Variants in NIPBL observed in about 807,000 individuals in gnomAD.
NIPBL encodes the protein nipped-B-like protein.
NIPBL carries 19 observed loss-of-function variants against 321.8 expected under a neutral mutation model. The observed-to-expected ratio is 0.06, with a 90% CI of 0.04 to 0.09. NIPBL has a LOEUF of 0.09. Ranked by LOEUF, NIPBL falls within the 10% of genes least tolerant of loss-of-function variation. NIPBL has a pLI of 1.00. For missense variants in NIPBL, 2,210 were observed against 3,327.0 expected, an observed-to-expected ratio of 0.66 and a Z score of 8.26; for synonymous variants, 1,106 against 1,114.1, an observed-to-expected ratio of 0.99 and a Z score of 0.14.
Position 36,985,984 on chromosome 5 carries a change from C to G in NIPBL, c.2804C>G (p.Pro935Arg), listed in dbSNP as rs1015052371. ...KSKVDTNKAHPDNKAEFPSYL... is the reference protein window; with the variant it reads ...KSKVDTNKAHRDNKAEFPSYL... ...AAAGTAGACACTAATAAAGCACACC[C>G]TGACAATAAGGCAGAATTTCCAAGT... The change falls in exon 10 of 47, where the codon CCT becomes CGT. Residue 935 changes from proline (P) to arginine (R), a missense_variant. Pro to Arg is a moderately radical substitution (Grantham distance 103). Around this residue, in one of 14 missense-constraint regions of NIPBL, gnomAD observed 588 missense variants for 564.1 expected, o/e 1.04. Transcript: ENST00000282516. 3 of 1,613,930 alleles carry G rather than the reference C, an allele frequency of 1.9e-6. No individual in the cohort carries two copies. Among genetic ancestry groups the G allele is most frequent in the Admixed American group, 1.7e-5 (1 of 59,964 alleles).
chr5:36,884,939 G>A lies in NIPBL; in HGVS notation c.-80+7761G>A, dbSNP rs138255721. On this transcript the variant is annotated intron_variant, in intron 1 of 46. Transcript: ENST00000282516. The stretch of plus-strand genomic sequence containing the variant: ...CCTTTTTAAGCTGTTAATGAGGATC[G>A]TGAAGTACAGGAAGGGTTTTTTGTT... Among the ~76,000 whole-genome samples, 21 of 152,168 alleles carry A rather than the reference G, an allele frequency of 1.4e-4. No homozygotes were observed. The East Asian group carries it at 2.9e-3, about 21-fold the overall frequency.
Position 37,064,582 on chromosome 5 carries a change from A to T in NIPBL, c.8105A>T (p.Asn2702Ile). ...SDSTELAAQM[N>I]ESVDVMDVIA... ...TCTACGGAGTTGGCAGCACAGATGA[A>T]TGAAAGTGTTGACGTCATGGATGTC... The change falls in exon 47 of 47, where the codon AAT becomes ATT. Residue 2702 changes from asparagine to isoleucine, a missense_variant. Asn to Ile is a moderately radical substitution (Grantham distance 149, BLOSUM62 -3). This residue lies in a region of NIPBL where 159 missense variants were observed against 319.2 expected (regional missense o/e 0.50). Coordinates refer to ENST00000282516, the MANE Select transcript of NIPBL (RefSeq NM_133433.4). The T allele has an allele frequency of 6.2e-7, 1 of 1,614,218 alleles. No homozygotes were observed. Among genetic ancestry groups the T allele is most frequent in the Non-Finnish European group, 8.5e-7 (1 of 1,180,040 alleles).
intron 32 of NIPBL, 42 bp downstream of exon 32, chr5:37,027,454 G>C (rs1233024211): frequency 6.8e-7 from 1 of 1,478,374 alleles, no homozygotes; most frequent in Admixed American, 1.7e-5. Context: ...AATTTAATAG[G>C]TTAGTTTTTT....
At chr5:36,904,855 C>G (rs1372199632) in intron 1 of NIPBL, among the ~76,000 whole-genome samples, 1 of 152,176 alleles carries the variant, frequency 6.6e-6, no homozygotes, top group African/African-American at 2.4e-5. Flanking sequence ...CAACAGAAGC[C>G]AGTCTTTTTG....
chr5:36,894,017 A>G (rs187399525), intron 1 of NIPBL, among the ~76,000 whole-genome samples: 58 of 152,322 alleles, frequency 3.8e-4, no homozygotes, highest in African/African-American at 1.3e-3. Flanking sequence ...GTCAAATTGA[A>G]TCTTGTTAGA....
rs769331331 is a variant in NIPBL at position 37,059,096 on chromosome 5, T to C, written c.7616T>C (p.Val2539Ala). The C allele has an allele frequency of 6.2e-7, 1 of 1,614,162 alleles. No homozygotes were observed. Among genetic ancestry groups the C allele is most frequent in the East Asian group, 2.2e-5 (1 of 44,884 alleles). ...GCTCCTTTAATCGAATTTGCAAATG[T>C]GTCCCAGGGTATTTTATTACTTCTC... ...NSAPLIEFAN[V>A]SQGILLLLML... Residue 2539 changes from valine (V) to alanine (A), a missense_variant, in exon 44 of 47, where the codon GTG (valine) becomes GCG (alanine). Physicochemically the swap from Val to Ala is moderately conservative, Grantham distance 64. Coordinates refer to ENST00000282516, the MANE Select transcript of NIPBL (RefSeq NM_133433.4).
chr5:36,947,380 T>G (rs1359264258), intron 1 of NIPBL, among the ~76,000 whole-genome samples: 1 of 152,038 alleles, frequency 6.6e-6, no homozygotes, highest in African/African-American at 2.4e-5. Context: ...AACAGAACTT[T>G]CTGCTTCCAT....
intron 38 of NIPBL, 72 bp from the exon 39 acceptor site, chr5:37,048,430 T>A: frequency 2.1e-6 from 2 of 932,236 alleles, no homozygotes; most frequent in Non-Finnish European, 1.5e-6. Context: ...ATATAATTTA[T>A]TAACATATTT....
chr5:36,972,430 C>CT (rs1331238569), intron 8 of NIPBL, among the ~76,000 whole-genome samples: 2 of 152,050 alleles, frequency 1.3e-5, no homozygotes, highest in Admixed American at 6.6e-5. Context: ...TTCATTGATA[C>CT]TTTTTTTCTT....
At chr5:37,057,399 T>G (rs1038203142) in intron 43 of NIPBL, 67 bp downstream of exon 43, 2 of 1,438,272 alleles carry the variant, frequency 1.4e-6, no homozygotes, top group Non-Finnish European at 2.0e-6. Context: ...TTCACTGTTT[T>G]GTTTCTCATT....
At chr5:37,038,226 A>T (rs1490594935) in intron 33 of NIPBL, among the ~76,000 whole-genome samples, 1 of 151,814 alleles carries the variant, frequency 6.6e-6, no homozygotes, top group Non-Finnish European at 1.5e-5. Context: ...CTAGACTCAA[A>T]CCTTCTTCCT....
chr5:37,062,084 C>T (rs1167402108), intron 45 of NIPBL, among the ~76,000 whole-genome samples: 6 of 152,186 alleles, frequency 3.9e-5, no homozygotes, highest in Admixed American at 1.3e-4. Flanking sequence ...TCAGGTGATC[C>T]GCCGGCCTCC....
At chr5:36,950,553 A>G (rs1310676476) in intron 1 of NIPBL, among the ~76,000 whole-genome samples, 1 of 151,986 alleles carries the variant, frequency 6.6e-6, no homozygotes, top group Non-Finnish European at 1.5e-5. Context: ...TTATAGTTCT[A>G]TTCCCTCCAT....
intron 40 of NIPBL, among the ~76,000 whole-genome samples, chr5:37,050,684 A>G (rs1458050256): frequency 6.6e-6 from 1 of 152,156 alleles, no homozygotes; most frequent in African/African-American, 2.4e-5. Context: ...ACTTCAGCAT[A>G]TATTTTCTAA....
chr5:37,024,025 C>T (rs897896124), intron 29 of NIPBL, among the ~76,000 whole-genome samples: 18 of 151,790 alleles, frequency 1.2e-4, no homozygotes, highest in Admixed American at 1.1e-3. Flanking sequence ...ATTAGCCAGG[C>T]GTGGTGGTAT....
chr5:36,981,166 C>T (rs973669564), intron 9 of NIPBL, among the ~76,000 whole-genome samples: 1 of 151,608 alleles, frequency 6.6e-6, no homozygotes, highest in African/African-American at 2.4e-5. Flanking sequence ...GCAGGCAGGA[C>T]TATTTGTCTG....
rs567241311 is a variant in NIPBL at position 36,921,027 on chromosome 5, A to G, written c.-79-32591A>G. 1.1e-4 allele frequency among the ~76,000 whole-genome samples: 16 copies of G among 152,206 alleles called. 2 individuals carry two copies. The South Asian group carries it at 1.9e-3, about 18-fold the overall frequency. Reference sequence around the variant, plus strand: ...CATGGGTTAGGTTTACCTATCTTCAAAAAACTTCAGATTACCTTATTCTCT... The same window carrying G: ...CATGGGTTAGGTTTACCTATCTTCAGAAAACTTCAGATTACCTTATTCTCT... On this transcript the variant is annotated intron_variant, in intron 1 of 46. Coordinates refer to ENST00000282516, the MANE Select transcript of NIPBL (RefSeq NM_133433.4).
intron 1 of NIPBL, among the ~76,000 whole-genome samples, chr5:36,931,595 G>A (rs549115542): frequency 6.6e-6 from 1 of 152,108 alleles, no homozygotes; most frequent in African/African-American, 2.4e-5. Context: ...GGGATTATAG[G>A]CATGAGCCAT....
chr5:36,969,619 T>G (rs1742632986), intron 6 of NIPBL, among the ~76,000 whole-genome samples: 1 of 152,194 alleles, frequency 6.6e-6, no homozygotes, highest in African/African-American at 2.4e-5. Flanking sequence ...AAGACCTAAC[T>G]GAAAAACCAA....
Sources: allele counts gnomAD v4.1 joint callset (sites outside exome capture counted in the v4.1 genomes callset), GRCh38; gene constraint gnomAD v4.1.1; regional missense constraint gnomAD v4.1.1; transcripts MANE v1.5; gene names NCBI Gene and HGNC (gene_info 2026-07-23, HGNC 2026-07-21).